PNPLA3: variants seen among roughly 807,000 people sequenced by gnomAD.
The protein encoded by PNPLA3 is 1-acylglycerol-3-phosphate O-acyltransferase PNPLA3.
A neutral mutation model predicts 43.1 loss-of-function variants in PNPLA3; 42 were observed. The ratio of observed to expected loss-of-function variants is 0.97; its 90% CI spans 0.76 to 1.26. The LOEUF (loss-of-function observed/expected upper bound fraction) is 1.26, where lower values mean the gene tolerates loss of function less well. Ranked by LOEUF, PNPLA3 falls within the 50% of genes most tolerant of loss-of-function variation. The pLI is 0.00. For missense variants in PNPLA3, 647 were observed against 621.4 expected (o/e 1.04, Z -0.44); for synonymous variants, 272 against 253.6 (o/e 1.07, Z -0.69).
chr22:43,930,683 T>G (rs531994463), intron 3 of PNPLA3, among the ~76,000 whole-genome samples: 2 of 152,270 alleles, frequency 1.3e-5, no homozygotes, highest in African/African-American at 4.8e-5. Flanking sequence ...TTGGCTGAGT[T>G]CAGTGAATAT....
intron 1 of PNPLA3, among the ~76,000 whole-genome samples, chr22:43,926,127 C>A (rs998909935): frequency 6.6e-6 from 1 of 152,220 alleles, no homozygotes; most frequent in African/African-American, 2.4e-5. Context: ...GGACACAGCA[C>A]CTCAGTGCAT....
chr22:43,926,684 A>C (rs1303956816), intron 1 of PNPLA3, among the ~76,000 whole-genome samples: 1 of 147,464 alleles, frequency 6.8e-6, no homozygotes, highest in Non-Finnish European at 1.5e-5. Context: ...TCATTTTCAC[A>C]TCTATTCAAT....
intron 1 of PNPLA3, among the ~76,000 whole-genome samples, chr22:43,926,094 G>C (rs1569008508): frequency 6.6e-6 from 1 of 152,222 alleles, no homozygotes. Context: ...GGGCTGCTGA[G>C]CATGTCCCAG....
chr22:43,937,937 GGGA>G (rs1251269773), intron 6 of PNPLA3, among the ~76,000 whole-genome samples: 5 of 152,288 alleles, frequency 3.3e-5, no homozygotes, highest in African/African-American at 1.2e-4. Context: ...TGGGGCCTTT[GGGA>G]GGAGATTAGG....
intron 8 of PNPLA3, among the ~76,000 whole-genome samples, chr22:43,945,100 G>C (rs1380467480): frequency 6.6e-6 from 1 of 152,236 alleles, no homozygotes; most frequent in East Asian, 1.9e-4. Flanking sequence ...AGGTGCTTCA[G>C]ACAGAGTGGC....
At chr22:43,942,937 G>T (rs2050040931) in intron 7 of PNPLA3, among the ~76,000 whole-genome samples, 1 of 151,758 alleles carries the variant, frequency 6.6e-6, no homozygotes, top group South Asian at 2.1e-4. Flanking sequence ...CTCTTCCTGG[G>T]GCTCTTATTA....
chr22:43,943,137 T>C (rs2050042158), intron 7 of PNPLA3, among the ~76,000 whole-genome samples: 1 of 152,248 alleles, frequency 6.6e-6, no homozygotes, highest in African/African-American at 2.4e-5. Flanking sequence ...ACTCTCTTGT[T>C]CTTTTTTCTT....
intron 1 of PNPLA3, among the ~76,000 whole-genome samples, chr22:43,925,704 C>T (rs1416173792): frequency 6.6e-6 from 1 of 152,272 alleles, no homozygotes; most frequent in East Asian, 1.9e-4. Context: ...GAGCAAAGGG[C>T]ACGAAATGTG....
chr22:43,928,897 G>A lies in PNPLA3; in HGVS notation c.486+8G>A, dbSNP rs758707412. 1.8e-5 allele frequency: 29 copies of A among 1,606,524 alleles called. No individual in the cohort carries two copies. The South Asian group carries it at 2.1e-4, about 12-fold the overall frequency. ...CCTTCCTTCAGAGGCGTGGTAAGTC[G>A]GCTTTCTCTGCTAGCGCTGAGTCCT... On this transcript the variant is annotated splice_region_variant and intron_variant, in intron 3 of 8. Coordinates refer to ENST00000216180, the MANE Select transcript of PNPLA3 (RefSeq NM_025225.3).
rs2049903545 is a variant in PNPLA3 at position 43,923,975 on chromosome 22, CA to C, written c.65del (p.His22ProfsTer8). On this transcript the variant is annotated frameshift_variant, in exon 1 of 9. Transcript: ENST00000216180. LOFTEE classifies it high-confidence loss of function. ...FAGCGFLGFY[H>X]VGATRCLSEH... is the part of the protein sequence containing the mutation. ...GGGCTGCGGCTTCCTGGGCTTCTAC[CA>C]CGTCGGGGCGACCCGCTGCCTGAGC... 1 of 1,585,230 alleles carries C rather than the reference CA, an allele frequency of 6.3e-7. No individual in the cohort carries two copies. The highest frequency in any genetic ancestry group is 1.4e-5 in the African/African-American group (1 of 72,436).
rs558343052 is a variant in PNPLA3 at position 43,924,035 on chromosome 22, A to G, written c.124A>G (p.Met42Val). 32 of 1,580,990 alleles carry G rather than the reference A, an allele frequency of 2.0e-5. No individual in the cohort carries two copies. The highest frequency in any genetic ancestry group is 2.8e-5 in the African/African-American group (2 of 72,220). Residue 42 changes from methionine (M) to valine (V), a missense_variant, in exon 1 of 9, where the codon ATG (methionine) becomes GTG (valine). Transcript: ENST00000216180. ...HAPHLLRDAR[M>V]LFGASAGALH... is the part of the protein sequence containing the mutation. ...CCCGCACCTCCTCCGCGACGCGCGCATGTTGTTCGGCGCTTCGGCCGGGGC... is the reference window on the plus strand; with the variant it reads ...CCCGCACCTCCTCCGCGACGCGCGCGTGTTGTTCGGCGCTTCGGCCGGGGC...
Position 43,927,250 on chromosome 22 carries a change from G to A in PNPLA3, c.420+83G>A, listed in dbSNP as rs112736265. ...GTGGTGGCTCATGCCTGTCATCCCG[G>A]CACTTTGGGAGGCCGAAGCGGGTGG... On this transcript the variant is annotated intron_variant, in intron 2 of 8. Transcript: ENST00000216180. 420 of 1,336,110 alleles carry A rather than the reference G, an allele frequency of 3.1e-4. 2 individuals are homozygous for A. In the African/African-American group the frequency reaches 4.6e-3, roughly 15 times the overall value. The allele number at this position is 1,336,110 out of a possible 1,614,324, so 82.8% of individuals were successfully genotyped here. A position where few individuals can be genotyped will look rare whatever the true frequency, so the allele number is the denominator to read the frequency against.
At chr22:43,937,022 G>A in intron 5 of PNPLA3, 29 bp from the exon 6 acceptor site, 1 of 1,594,508 alleles carries the variant, frequency 6.3e-7, no homozygotes. Context: ...ACGTTCGCCT[G>A]ATGGGCTTGT....
At chr22:43,929,980 T>C (rs1248476516) in intron 3 of PNPLA3, among the ~76,000 whole-genome samples, 1 of 152,192 alleles carries the variant, frequency 6.6e-6, no homozygotes, top group Non-Finnish European at 1.5e-5. Flanking sequence ...TTTTGCCACT[T>C]TGTGATGCAC....
At position 43,937,306 on chromosome 22, in the gene PNPLA3, CT is replaced by C. The variant is rs763456862; in HGVS notation, c.979+36del. ...TCCTCGGGGTGAGCACGGGCAGCAC[CT>C]TGTTTTCTTTCTTGTGCATTATGGA... On this transcript the variant is annotated intron_variant, in intron 6 of 8. Coordinates refer to ENST00000216180, the MANE Select transcript of PNPLA3 (RefSeq NM_025225.3). 12 of 1,588,652 alleles carry C rather than the reference CT, an allele frequency of 7.6e-6. No homozygotes were observed. The African/African-American group carries it at 1.5e-4, about 20-fold the overall frequency.
chr22:43,944,773 A>T lies in PNPLA3; in HGVS notation c.1195A>T (p.Met399Leu). The change falls in exon 8 of 9, where the codon ATG becomes TTG. Residue 399 changes from methionine (M) to leucine (L), a missense_variant. By Grantham distance (15) the Met-to-Leu change is conservative. Coordinates refer to ENST00000216180, the MANE Select transcript of PNPLA3 (RefSeq NM_025225.3). ...VTSQVFTRVL[M>L]CLLPASRSQM... ...CTCACAGGTGTTCACTCGAGTGCTGATGTGTCTGCTCCCCGCCTCCAGGTA... is the reference window on the plus strand; with the variant it reads ...CTCACAGGTGTTCACTCGAGTGCTGTTGTGTCTGCTCCCCGCCTCCAGGTA... The T allele has an allele frequency of 4.3e-6, 7 of 1,614,074 alleles. No homozygotes were observed. The highest frequency in any genetic ancestry group is 5.1e-6 in the Non-Finnish European group (6 of 1,180,012).
chr22:43,929,713 CAACCTCCCG>C (rs895195845), intron 3 of PNPLA3, among the ~76,000 whole-genome samples: 7 of 150,612 alleles, frequency 4.6e-5, no homozygotes, highest in African/African-American at 1.7e-4. Flanking sequence ...TCTCCTGCCT[CAACCTCCCG>C]AGTAGCTGGG....
At position 43,923,887 on chromosome 22, in the gene PNPLA3, G is replaced by A. The variant is rs2049902251; in HGVS notation, c.-25G>A. 4 of 1,484,830 alleles carry A rather than the reference G, an allele frequency of 2.7e-6. No homozygotes were observed. The highest frequency in any genetic ancestry group is 3.6e-6 in the Non-Finnish European group (4 of 1,123,900). 92.0% of individuals were successfully genotyped at this position (1,484,830 alleles called of 1,614,324 possible). Reference sequence around the variant, plus strand: ...CCGATCCCGACCCAGATCCTAACCCGCGCCCCCGCCCCGCCGCCGCCGCCA... The same window carrying A: ...CCGATCCCGACCCAGATCCTAACCCACGCCCCCGCCCCGCCGCCGCCGCCA... On this transcript the variant is annotated 5_prime_UTR_variant, in exon 1 of 9. Coordinates refer to ENST00000216180, the MANE Select transcript of PNPLA3 (RefSeq NM_025225.3).
intron 2 of PNPLA3, among the ~76,000 whole-genome samples, chr22:43,928,292 GTGGTGCC>G: frequency 6.6e-6 from 1 of 152,294 alleles, no homozygotes; most frequent in Non-Finnish European, 1.5e-5. Flanking sequence ...GTGAATCACC[GTGGTGCC>G]TGCTGACTGC....
Sources: allele counts gnomAD v4.1 joint callset (sites outside exome capture counted in the v4.1 genomes callset), GRCh38; gene constraint gnomAD v4.1.1; transcripts MANE v1.5; gene names NCBI Gene and HGNC (gene_info 2026-07-23, HGNC 2026-07-21).